The following NRXN1 variants were observed in gnomAD, a reference collection of about 807,000 sequenced individuals.
The protein encoded by NRXN1 is neurexin 1.
A neutral mutation model predicts 150.9 loss-of-function variants in NRXN1; 39 were observed. The observed-to-expected ratio is 0.26, with a 90% CI of 0.20 to 0.34. NRXN1 has a LOEUF of 0.34. Among genes scored for constraint, NRXN1 ranks in the 10% least tolerant of loss-of-function variants. NRXN1 has a pLI of 1.00. For synonymous variants in NRXN1, 924 were observed against 757.0 expected, an observed-to-expected ratio of 1.22 and a Z score of -3.62; for missense variants, 1,815 against 1,949.9, an observed-to-expected ratio of 0.93 and a Z score of 1.30.
chr2:50,819,464 AC>A (rs1668896372), intron 5 of NRXN1, among the ~76,000 whole-genome samples: 1 of 152,130 alleles, frequency 6.6e-6, no homozygotes, highest in African/African-American at 2.4e-5. Context: ...TCTATGAGGT[AC>A]CTAAAATGAT....
In NRXN1 at chr2:50,897,456, A is replaced by G. The variant is rs149319379; in HGVS notation, c.832+24413T>C. Among the ~76,000 whole-genome samples the G allele has an allele frequency of 9.2e-5, 14 of 152,324 alleles. No homozygotes were observed. In the East Asian group the frequency reaches 2.7e-3, roughly 29 times the overall value. On this transcript the variant is annotated intron_variant, in intron 5 of 22. Transcript: ENST00000401669. ...AACAAACCTCTACTATGTGCAAGGG[A>G]TTATTTTAGGTGCTGAAGGGATACA...
chr2:50,588,642 CTTAA>C (rs762425463), intron 8 of NRXN1: 3 of 152,062 alleles, frequency 2.0e-5, no homozygotes, highest in Non-Finnish European at 2.9e-5. Flanking sequence ...TTCTCTGAGT[CTTAA>C]TTTTCTCAGA....
At chr2:50,522,720 A>ATTTTTTTTTTTTTT (rs869200431) in intron 12 of NRXN1, among the ~76,000 whole-genome samples, 10 of 47,748 alleles carry the variant, frequency 2.1e-4, no homozygotes, top group Non-Finnish European at 4.8e-4. Flanking sequence ...ATTTTTATTC[A>ATTTTTTTTTTTTTT]TTTTTTTTTT....
chr2:50,151,268 C>A (rs2058679756), intron 18 of NRXN1, among the ~76,000 whole-genome samples: 1 of 151,694 alleles, frequency 6.6e-6, no homozygotes, highest in Non-Finnish European at 1.5e-5. Context: ...TTAAATACTT[C>A]AGGCTGCCTT....
intron 2 of NRXN1, among the ~76,000 whole-genome samples, chr2:51,007,245 G>C (rs1390152021): frequency 7.3e-5 from 11 of 151,712 alleles, no homozygotes; most frequent in Non-Finnish European, 4.4e-5. Context: ...AGCATTTTCT[G>C]AACCATTTCT....
chr2:50,600,668 G>T (rs1314687778), intron 8 of NRXN1, among the ~76,000 whole-genome samples: 1 of 152,132 alleles, frequency 6.6e-6, no homozygotes, highest in Non-Finnish European at 1.5e-5. Flanking sequence ...AAATGTAAAA[G>T]ACCTGTTTTA....
chr2:50,017,590 C>G (rs1170381170), intron 21 of NRXN1, among the ~76,000 whole-genome samples: 1 of 151,654 alleles, frequency 6.6e-6, no homozygotes, highest in African/African-American at 2.4e-5. Context: ...TCAATGAATT[C>G]TGGCTTACTT....
At chr2:50,414,098 A>G (rs564506174) in intron 17 of NRXN1, among the ~76,000 whole-genome samples, 143 of 152,036 alleles carry the variant, frequency 9.4e-4, no homozygotes, top group African/African-American at 2.7e-3. Flanking sequence ...AATGGGTACT[A>G]AAAATAGAAA....
chr2:50,895,503 G>A (rs1445879740), intron 5 of NRXN1, among the ~76,000 whole-genome samples: 1 of 151,996 alleles, frequency 6.6e-6, no homozygotes, highest in African/African-American at 2.4e-5. Flanking sequence ...GTCAGGCACT[G>A]AAATGAGTGG....
At chr2:50,404,937 G>C (rs1231992759) in intron 17 of NRXN1, among the ~76,000 whole-genome samples, 2 of 151,916 alleles carry the variant, frequency 1.3e-5, no homozygotes, top group Non-Finnish European at 2.9e-5. Context: ...CCTCTCTTAG[G>C]CTCTTTATAT....
chr2:50,219,118 AT>A (rs745860291), intron 18 of NRXN1, among the ~76,000 whole-genome samples: 91 of 152,120 alleles, frequency 6.0e-4, no homozygotes, highest in Admixed American at 1.6e-3. Context: ...ACCTGTTTTC[AT>A]TATATTCAAA....
chr2:50,227,018 G>C (rs2152865416), intron 18 of NRXN1, among the ~76,000 whole-genome samples: 1 of 152,076 alleles, frequency 6.6e-6, no homozygotes, highest in Middle Eastern at 3.4e-3. Context: ...AAAATTCCCT[G>C]CTTTCATGAC....
intron 5 of NRXN1, among the ~76,000 whole-genome samples, chr2:50,751,110 A>T (rs1251248422): frequency 1.3e-5 from 2 of 152,010 alleles, no homozygotes; most frequent in Non-Finnish European, 2.9e-5. Flanking sequence ...CATGGGTTAC[A>T]TGCATAAATT....
chr2:49,973,854 C>T (rs527440277), intron 21 of NRXN1: 11 of 599,454 alleles, frequency 1.8e-5, no homozygotes, highest in East Asian at 1.4e-4. Context: ...TTAGTTTATC[C>T]AAATGAGTTT....
intron 17 of NRXN1, among the ~76,000 whole-genome samples, chr2:50,297,795 T>A (rs1226566399): frequency 6.6e-6 from 1 of 152,174 alleles, no homozygotes; most frequent in Non-Finnish European, 1.5e-5. Context: ...GAGATGTAAC[T>A]TTTTTCTTAG....
At chr2:50,016,177 A>G (rs950299551) in intron 21 of NRXN1, among the ~76,000 whole-genome samples, 3 of 152,154 alleles carry the variant, frequency 2.0e-5, no homozygotes, top group Non-Finnish European at 2.9e-5. Context: ...GTAAAGTCCT[A>G]CCTAGACTCA....
intron 19 of NRXN1, among the ~76,000 whole-genome samples, chr2:50,077,148 T>C (rs1024917211): frequency 6.6e-6 from 1 of 152,180 alleles, no homozygotes; most frequent in African/African-American, 2.4e-5. Context: ...AAATAAGGTA[T>C]GTAAAATAAT....
At chr2:50,735,434 G>A (rs1698618105) in intron 5 of NRXN1, among the ~76,000 whole-genome samples, 1 of 152,022 alleles carries the variant, frequency 6.6e-6, no homozygotes, top group South Asian at 2.1e-4. Context: ...CAGAAAGAGA[G>A]GCACACAATT....
At chr2:50,306,899 C>T (rs1002933839) in intron 17 of NRXN1, among the ~76,000 whole-genome samples, 2 of 152,064 alleles carry the variant, frequency 1.3e-5, no homozygotes, top group African/African-American at 2.4e-5. Context: ...CTGTATGATA[C>T]TAACAATATG....
Sources: gnomAD v4.1 joint callset for allele counts (sites outside exome capture counted in the v4.1 genomes callset) on GRCh38, gnomAD v4.1.1 for gene constraint, MANE v1.5 for transcripts, NCBI Gene and HGNC (gene_info 2026-07-23, HGNC 2026-07-21) for gene names.